Variants in CCDC192 observed in about 807,000 individuals in gnomAD.
CCDC192 encodes the protein coiled-coil domain-containing protein 192.
intron 5 of CCDC192, among the ~76,000 whole-genome samples, chr5:127,849,373 G>C (rs1160015933): frequency 6.6e-6 from 1 of 152,084 alleles, no homozygotes; most frequent in Non-Finnish European, 1.5e-5. Context: ...ACAGGGGATA[G>C]AGGCTGACTT....
intron 6 of CCDC192, among the ~76,000 whole-genome samples, chr5:127,922,012 T>C (rs1314881464): frequency 6.6e-6 from 1 of 152,218 alleles, no homozygotes; most frequent in Non-Finnish European, 1.5e-5. Context: ...AAATGATAAA[T>C]ATGAAAGCCA....
intron 2 of CCDC192, among the ~76,000 whole-genome samples, chr5:127,717,537 ATTAAT>A (rs1468503906): frequency 6.6e-6 from 1 of 152,130 alleles, no homozygotes; most frequent in African/African-American, 2.4e-5. Flanking sequence ...CAAAATTTCA[ATTAAT>A]TTAATTTGAT....
At chr5:127,854,866 CTT>C (rs1212242977) in intron 5 of CCDC192, among the ~76,000 whole-genome samples, 2 of 152,110 alleles carry the variant, frequency 1.3e-5, no homozygotes, top group African/African-American at 4.8e-5. Flanking sequence ...CTATTACACA[CTT>C]AATAAACTAT....
intron 5 of CCDC192, chr5:127,857,852 G>A (rs1751167084): frequency 6.6e-6 from 1 of 152,126 alleles, no homozygotes; most frequent in Non-Finnish European, 1.5e-5. Flanking sequence ...ACATTATTAA[G>A]GGTAACGTGT....
intron 6 of CCDC192, among the ~76,000 whole-genome samples, chr5:127,894,215 C>T (rs1396174474): frequency 1.0e-4 from 12 of 119,954 alleles, no homozygotes; most frequent in East Asian, 4.6e-4. Context: ...TTTTTTGAGA[C>T]GGAGTCTTGC....
chr5:127,763,287 T>G (rs1755030822), intron 3 of CCDC192, among the ~76,000 whole-genome samples: 1 of 152,198 alleles, frequency 6.6e-6, no homozygotes, highest in African/African-American at 2.4e-5. Context: ...CCTAGGCCAG[T>G]GATCAGTGCC....
intron 5 of CCDC192, among the ~76,000 whole-genome samples, chr5:127,809,882 ATCT>A (rs1223087355): frequency 6.6e-6 from 1 of 152,194 alleles, no homozygotes; most frequent in Admixed American, 6.6e-5. Context: ...TTGGTGTGAA[ATCT>A]TCTCATTTGT....
chr5:127,906,102 T>C (rs1753187071), intron 6 of CCDC192, among the ~76,000 whole-genome samples: 1 of 152,200 alleles, frequency 6.6e-6, no homozygotes, highest in South Asian at 2.1e-4. Context: ...TTCACGTTGC[T>C]GTGCAACCAT....
intron 6 of CCDC192, among the ~76,000 whole-genome samples, chr5:127,933,313 T>C (rs1053394641): frequency 6.6e-6 from 1 of 151,926 alleles, no homozygotes; most frequent in Non-Finnish European, 1.5e-5. Context: ...CTGTGCAGAG[T>C]TGAAACCAGC....
At chr5:127,744,255 G>A (rs4495230) in intron 2 of CCDC192, among the ~76,000 whole-genome samples, 19,129 of 151,786 alleles carry the variant, frequency 0.13, 1,484 homozygotes, top group East Asian at 0.31. Context: ...CTGAGGCATG[G>A]GTGGTAGGTT....
intron 6 of CCDC192, among the ~76,000 whole-genome samples, chr5:127,906,944 T>A (rs1348317797): frequency 1.3e-5 from 2 of 152,224 alleles, no homozygotes; most frequent in Non-Finnish European, 2.9e-5. Context: ...CCATTTTACA[T>A]TCTTATCAGC....
At chr5:127,775,133 C>T (rs928582171) in intron 3 of CCDC192, among the ~76,000 whole-genome samples, 9 of 152,124 alleles carry the variant, frequency 5.9e-5, no homozygotes, top group Non-Finnish European at 1.3e-4. Context: ...ACCCTGGTTA[C>T]ACTACCCCTC....
intron 2 of CCDC192, among the ~76,000 whole-genome samples, chr5:127,718,072 C>G (rs1751743957): frequency 6.6e-6 from 1 of 151,874 alleles, no homozygotes; most frequent in African/African-American, 2.4e-5. Flanking sequence ...TAAAAAAGAT[C>G]TTAGTGATTT....
At chr5:127,896,104 G>A (rs1752873203) in intron 6 of CCDC192, among the ~76,000 whole-genome samples, 1 of 151,940 alleles carries the variant, frequency 6.6e-6, no homozygotes, top group African/African-American at 2.4e-5. Flanking sequence ...ATTTTTAAGT[G>A]ACTATCACAA....
Position 127,929,667 on chromosome 5 carries a change from A to C in CCDC192, c.536-11515A>C, listed in dbSNP as rs188521391. Among the ~76,000 whole-genome samples the C allele has an allele frequency of 5.3e-5, 8 of 152,192 alleles. No individual in the cohort carries two copies. The East Asian group carries it at 1.2e-3, about 22-fold the overall frequency. ...ATCCTTTATCCCATCTTTCTCAAAA[A>C]TTTTTTTCAGTCATTATCAAAGAAT... is the stretch of plus-strand genomic sequence containing the variant. On this transcript the variant is annotated intron_variant, in intron 6 of 6. Transcript: ENST00000514853.
At chr5:127,873,641 C>T (rs1020590045) in intron 5 of CCDC192, among the ~76,000 whole-genome samples, 3 of 152,192 alleles carry the variant, frequency 2.0e-5, no homozygotes, top group Admixed American at 6.5e-5. Flanking sequence ...CTCATTCTCT[C>T]CACTTTCTCA....
chr5:127,777,174 A>G (rs1249225555), intron 3 of CCDC192, among the ~76,000 whole-genome samples: 1 of 152,246 alleles, frequency 6.6e-6, no homozygotes, highest in Non-Finnish European at 1.5e-5. Flanking sequence ...GGGAGGCTGT[A>G]TCCTGCAAAG....
In CCDC192 at chr5:127,761,262, G is replaced by A. The variant is rs1746686262; in HGVS notation, c.222+6887G>A. 2.6e-5 allele frequency among the ~76,000 whole-genome samples: 4 copies of A among 152,230 alleles called. No homozygotes were observed. The South Asian group carries it at 8.3e-4, about 32-fold the overall frequency. Reference sequence around the variant, plus strand: ...TTATTGAGGATTCACTATATGCCAGGTACTATATCTAGAAGTGGGAACACA... The same window carrying A: ...TTATTGAGGATTCACTATATGCCAGATACTATATCTAGAAGTGGGAACACA... On this transcript the variant is annotated intron_variant, in intron 3 of 6. Transcript: ENST00000514853.
chr5:127,879,511 C>G lies in CCDC192; in HGVS notation c.535+3850C>G, dbSNP rs566403455. Among the ~76,000 whole-genome samples the G allele has an allele frequency of 4.7e-4, 35 of 74,776 alleles. 2 individuals carry two copies. Among genetic ancestry groups the G allele is most frequent in the Admixed American group, 1.3e-3 (9 of 7,072 alleles). The allele number at this position is 74,776 out of a possible 152,430, so 49.1% of individuals were successfully genotyped here. ...AGAAGAAAACCTAGGCATTACCATTCAGGACATAGGCACGGGCAAGGACTT... is the reference window on the plus strand; with the variant it reads ...AGAAGAAAACCTAGGCATTACCATTGAGGACATAGGCACGGGCAAGGACTT... On this transcript the variant is annotated intron_variant, in intron 6 of 6. Coordinates refer to ENST00000514853, the MANE Select transcript of CCDC192 (RefSeq NM_001317938.2).
Sources: gnomAD v4.1 joint callset for allele counts (sites outside exome capture counted in the v4.1 genomes callset) on GRCh38, gnomAD v4.1.1 for gene constraint, MANE v1.5 for transcripts, NCBI Gene and HGNC (gene_info 2026-07-23, HGNC 2026-07-21) for gene names.